Variants in SLC38A12 observed in about 807,000 individuals in gnomAD.
SLC38A12 encodes the protein solute carrier family 38 member 12, also known as putative sodium-coupled neutral amino acid transporter 12.
At chr17:74,823,549 C>T in the SLC38A12 span, among the ~76,000 whole-genome samples, 1 of 152,264 alleles carries the variant, frequency 6.6e-6, no homozygotes, top group East Asian at 1.9e-4. Flanking sequence ...TGACATGTGA[C>T]AGTGTCTGTT....
the SLC38A12 span, chr17:74,819,837 T>C: frequency 7.4e-6 from 12 of 1,613,900 alleles, no homozygotes; most frequent in Non-Finnish European, 8.5e-6. Context: ...TCTGATGAGA[T>C]GGATCGGTGA....
the SLC38A12 span, chr17:74,837,670 C>T: frequency 1.0e-6 from 1 of 985,716 alleles, no homozygotes. Flanking sequence ...CGCTATATCC[C>T]TTGGGCAATG....
chr17:74,804,556 C>T, the SLC38A12 span, among the ~76,000 whole-genome samples: 3 of 152,180 alleles, frequency 2.0e-5, no homozygotes, highest in African/African-American at 7.2e-5. Context: ...CTTGTGGATT[C>T]GCTGACAGTG....
chr17:74,819,368 C>T, the SLC38A12 span, among the ~76,000 whole-genome samples: 2 of 152,206 alleles, frequency 1.3e-5, no homozygotes, highest in African/African-American at 4.8e-5. Context: ...TCTTTTGGAT[C>T]CTTTTTGCCA....
the SLC38A12 span, among the ~76,000 whole-genome samples, chr17:74,801,940 GTC>G: frequency 6.6e-6 from 1 of 151,986 alleles, no homozygotes; most frequent in East Asian, 1.9e-4. Flanking sequence ...ACTGCAGCTT[GTC>G]TCTCTAGCTC....
chr17:74,797,693 C>G, the SLC38A12 span, among the ~76,000 whole-genome samples: 1 of 152,210 alleles, frequency 6.6e-6, no homozygotes, highest in Non-Finnish European at 1.5e-5. Context: ...GACCCTGGTG[C>G]TTTCATTGCT....
chr17:74,795,955 G>A, the SLC38A12 span, among the ~76,000 whole-genome samples: 2 of 152,224 alleles, frequency 1.3e-5, no homozygotes, highest in African/African-American at 2.4e-5. Context: ...TTCTCCAAGA[G>A]TGACACGTCT....
the SLC38A12 span, chr17:74,819,937 C>A: frequency 8.5e-7 from 1 of 1,170,044 alleles, no homozygotes; most frequent in Non-Finnish European, 1.3e-6. Flanking sequence ...CCAGCCGTAG[C>A]TGGAGTGTGG....
chr17:74,783,268 G>A, the SLC38A12 span, among the ~76,000 whole-genome samples: 1 of 152,256 alleles, frequency 6.6e-6, no homozygotes, highest in Non-Finnish European at 1.5e-5. Flanking sequence ...GACACCCTGA[G>A]AAATGCAGAG....
chr17:74,795,212 C>T, the SLC38A12 span: 1 of 982,928 alleles, frequency 1.0e-6, no homozygotes, highest in Non-Finnish European at 1.6e-6. Flanking sequence ...CAAGTGAGTT[C>T]ATTGCATCTA....
chr17:74,782,848 G>A, the SLC38A12 span, among the ~76,000 whole-genome samples: 3 of 152,148 alleles, frequency 2.0e-5, no homozygotes, highest in African/African-American at 7.2e-5. Flanking sequence ...TGAGATTGAG[G>A]GCTGGGCGTG....
chr17:74,782,956 C>T, the SLC38A12 span, among the ~76,000 whole-genome samples: 15 of 152,190 alleles, frequency 9.9e-5, no homozygotes, highest in South Asian at 1.0e-3. Flanking sequence ...CATGGTGAAA[C>T]GCTGTCTCTA....
chr17:74,818,884 C>T, the SLC38A12 span, among the ~76,000 whole-genome samples: 1 of 152,202 alleles, frequency 6.6e-6, no homozygotes, highest in Non-Finnish European at 1.5e-5. Flanking sequence ...CCTAACCTTC[C>T]CCACACTCCA....
At chr17:74,790,023 G>A in the SLC38A12 span, among the ~76,000 whole-genome samples, 3 of 149,992 alleles carry the variant, frequency 2.0e-5, no homozygotes, top group Non-Finnish European at 3.0e-5. Context: ...TTGCAATCAC[G>A]GCTCACTGCA....
chr17:74,836,073 C>G, the SLC38A12 span: 2 of 1,613,702 alleles, frequency 1.2e-6, no homozygotes, highest in Admixed American at 3.3e-5. This position sits in a 1 kb window ranked among gnomAD's most constrained non-coding sequence, Gnocchi z 4.2. Context: ...TCTGCCATCC[C>G]TCATTACCCC....
chr17:74,838,588 A>C, the SLC38A12 span: 1 of 1,258,278 alleles, frequency 7.9e-7, no homozygotes. Context: ...CCCTGGAGGG[A>C]ACTGGCCAGC....
At chr17:74,823,976 A>G in the SLC38A12 span, among the ~76,000 whole-genome samples, 1 of 152,256 alleles carries the variant, frequency 6.6e-6, no homozygotes, top group South Asian at 2.1e-4. Context: ...AGAGGGGGCC[A>G]CGGTGAGCAT....
the SLC38A12 span, among the ~76,000 whole-genome samples, chr17:74,832,727 G>C: frequency 6.6e-6 from 1 of 152,208 alleles, no homozygotes; most frequent in Non-Finnish European, 1.5e-5. Context: ...GGGAGTTCAC[G>C]AAAGCCCACA....
At chr17:74,836,119 TC>T in the SLC38A12 span, 6 of 1,613,962 alleles carry the variant, frequency 3.7e-6, no homozygotes, top group African/African-American at 1.3e-5. This position sits in a 1 kb window ranked among gnomAD's most constrained non-coding sequence, Gnocchi z 4.2. Flanking sequence ...AGGCTGGTGT[TC>T]CTGGACTACG....
Sources: allele counts gnomAD v4.1 joint callset (sites outside exome capture counted in the v4.1 genomes callset), GRCh38; gene constraint gnomAD v4.1.1; non-coding constraint Gnocchi (gnomAD v3.1); transcripts MANE v1.5; gene names NCBI Gene and HGNC (gene_info 2026-07-23, HGNC 2026-07-21).